The following CDH13 variants were observed in gnomAD, a reference collection of about 807,000 sequenced individuals.
CDH13 encodes the protein cadherin 13.
CDH13 carries 24 observed loss-of-function variants against 63.8 expected under a neutral mutation model. The ratio of observed to expected loss-of-function variants is 0.38; its 90% confidence interval spans 0.27 to 0.53. The LOEUF is 0.53. CDH13 is among the 20% of genes least tolerant of loss of function. CDH13 has a pLI of 0.85. For synonymous variants in CDH13, 503 were observed against 355.3 expected, an observed-to-expected ratio of 1.42 and a Z score of -4.67; for missense variants, 1,049 against 903.1, an observed-to-expected ratio of 1.16 and a Z score of -2.07.
At chr16:82,890,650 C>CTTTTT (rs34036747) in intron 2 of CDH13, among the ~76,000 whole-genome samples, 1 of 139,260 alleles carries the variant, frequency 7.2e-6, no homozygotes. Context: ...GAGAGACATT[C>CTTTTT]TTTTTTTTTT....
At chr16:82,648,956 A>G (rs878910535) in intron 1 of CDH13, among the ~76,000 whole-genome samples, 2 of 152,236 alleles carry the variant, frequency 1.3e-5, no homozygotes, top group Admixed American at 1.3e-4. Context: ...TGGAAAAGAA[A>G]GAGCCAATTT....
intron 6 of CDH13, among the ~76,000 whole-genome samples, chr16:83,474,708 C>G (rs981135438): frequency 2.0e-5 from 3 of 152,200 alleles, no homozygotes; most frequent in Non-Finnish European, 4.4e-5. Flanking sequence ...AAAGCAAGGT[C>G]AAGAGCTGGG....
chr16:82,911,084 T>C (rs1197721908), intron 2 of CDH13, among the ~76,000 whole-genome samples: 1 of 152,022 alleles, frequency 6.6e-6, no homozygotes, highest in Non-Finnish European at 1.5e-5. Flanking sequence ...CGATGGTGAG[T>C]CCCTAGATCG....
chr16:83,766,975 G>A (rs1914431881), intron 11 of CDH13, among the ~76,000 whole-genome samples: 1 of 152,094 alleles, frequency 6.6e-6, no homozygotes, highest in Non-Finnish European at 1.5e-5. Context: ...TAAGTTTCCT[G>A]AGGCCTCCCC....
At chr16:82,785,271 G>A (rs1237820041) in intron 1 of CDH13, among the ~76,000 whole-genome samples, 1 of 152,206 alleles carries the variant, frequency 6.6e-6, no homozygotes, top group Non-Finnish European at 1.5e-5. Context: ...CCAGTCCCAG[G>A]TATGCAGGCT....
intron 1 of CDH13, among the ~76,000 whole-genome samples, chr16:82,674,962 G>T (rs898492354): frequency 6.6e-6 from 1 of 152,118 alleles, no homozygotes; most frequent in African/African-American, 2.4e-5. Context: ...TGTCAATCAG[G>T]TGTCAGAAGA....
chr16:83,122,288 A>C (rs1039173309), intron 3 of CDH13, among the ~76,000 whole-genome samples: 1 of 152,210 alleles, frequency 6.6e-6, no homozygotes, highest in Non-Finnish European at 1.5e-5. Flanking sequence ...CATAGGCAAC[A>C]GTTTCTAGCT....
At chr16:83,461,105 T>C (rs1003758331) in intron 6 of CDH13, among the ~76,000 whole-genome samples, 2 of 152,042 alleles carry the variant, frequency 1.3e-5, no homozygotes, top group African/African-American at 4.8e-5. Flanking sequence ...GCTGCAGTGG[T>C]ATCGTAATGT....
intron 4 of CDH13, chr16:83,171,469 A>T: frequency 7.2e-7 from 1 of 1,395,524 alleles, no homozygotes; most frequent in Non-Finnish European, 9.8e-7. Flanking sequence ...TTTTCTAATT[A>T]GGTTACTCAT....
At chr16:83,592,064 C>G (rs1906812131) in intron 7 of CDH13, among the ~76,000 whole-genome samples, 1 of 152,180 alleles carries the variant, frequency 6.6e-6, no homozygotes, top group South Asian at 2.1e-4. Flanking sequence ...CTGTCCCCTC[C>G]TTTGTAATTC....
At chr16:82,735,148 A>G (rs1250724346) in intron 1 of CDH13, among the ~76,000 whole-genome samples, 1 of 152,208 alleles carries the variant, frequency 6.6e-6, no homozygotes, top group Non-Finnish European at 1.5e-5. Context: ...GAAACAAGCC[A>G]AGGGGAAAGG....
Position 83,323,376 on chromosome 16 carries a change from G to T in CDH13, c.637-21486G>T, listed in dbSNP as rs150872676. On this transcript the variant is annotated intron_variant, in intron 5 of 13. Coordinates refer to ENST00000567109, the MANE Select transcript of CDH13 (RefSeq NM_001257.5). ...CTGCAAGCTCTGACCCGCCTCCTGG[G>T]TTCAAGTGATTCTCATGCCTCAGCC... Among the ~76,000 whole-genome samples, 602 of 151,028 alleles carry T rather than the reference G, an allele frequency of 4.0e-3. 4 individuals are homozygous for T. Among genetic ancestry groups the T allele is most frequent in the African/African-American group, 0.014 (576 of 41,124 alleles).
intron 1 of CDH13, among the ~76,000 whole-genome samples, chr16:82,740,296 T>C (rs2151052054): frequency 6.6e-6 from 1 of 152,302 alleles, no homozygotes. Flanking sequence ...ATCAGCAACT[T>C]CCAGTTGATG....
intron 10 of CDH13, among the ~76,000 whole-genome samples, chr16:83,740,735 C>T (rs1837961830): frequency 1.3e-5 from 2 of 152,132 alleles, no homozygotes; most frequent in Non-Finnish European, 2.9e-5. Context: ...CTGTTCTCAG[C>T]TGTTATGGAG....
At chr16:82,938,062 C>T (rs1217675753) in intron 2 of CDH13, among the ~76,000 whole-genome samples, 1 of 152,150 alleles carries the variant, frequency 6.6e-6, no homozygotes, top group African/African-American at 2.4e-5. Context: ...AAAGCAGCTG[C>T]AACAGCGGTA....
At chr16:83,445,944 A>G (rs1246991155) in intron 6 of CDH13, among the ~76,000 whole-genome samples, 2 of 152,172 alleles carry the variant, frequency 1.3e-5, no homozygotes. Context: ...AAGGCAACTA[A>G]AAGATTTCTA....
chr16:83,337,729 G>C (rs1046879576), intron 5 of CDH13, among the ~76,000 whole-genome samples: 7 of 129,492 alleles, frequency 5.4e-5, no homozygotes, highest in African/African-American at 2.0e-4. Context: ...GCAGCCTTTA[G>C]TTTGTGGCAG....
chr16:83,510,237 G>C (rs1332092157), intron 7 of CDH13, among the ~76,000 whole-genome samples: 1 of 152,154 alleles, frequency 6.6e-6, no homozygotes, highest in Non-Finnish European at 1.5e-5. Context: ...TATTAGAAGT[G>C]ATAGTTGGAT....
chr16:83,573,585 G>T (rs1567776044), intron 7 of CDH13, among the ~76,000 whole-genome samples: 1 of 152,122 alleles, frequency 6.6e-6, no homozygotes, highest in East Asian at 1.9e-4. Flanking sequence ...TAACAAAGGG[G>T]CCTATGCACA....
Sources: allele counts gnomAD v4.1 joint callset (sites outside exome capture counted in the v4.1 genomes callset), GRCh38; gene constraint gnomAD v4.1.1; transcripts MANE v1.5; gene names NCBI Gene and HGNC (gene_info 2026-07-23, HGNC 2026-07-21).